ANKRD22: variants seen among roughly 807,000 people sequenced by gnomAD.
ANKRD22 encodes ankyrin repeat domain 22.
A neutral mutation model predicts 25.7 loss-of-function variants in ANKRD22; 24 were observed. The observed-to-expected ratio is 0.93, with a 90% CI of 0.68 to 1.31. The LOEUF (loss-of-function observed/expected upper bound fraction) is 1.31, where lower values mean the gene tolerates loss of function less well. ANKRD22 is among the 50% of genes most tolerant of loss of function. The pLI is 0.00. For synonymous variants in ANKRD22, 84 were observed against 84.3 expected, an observed-to-expected ratio of 1.00 and a Z score of 0.02; for missense variants, 214 against 227.1, an observed-to-expected ratio of 0.94 and a Z score of 0.37.
At chr10:88,825,409 T>C (rs190587146) in intron 4 of ANKRD22, among the ~76,000 whole-genome samples, 1 of 152,254 alleles carries the variant, frequency 6.6e-6, no homozygotes, top group African/African-American at 2.4e-5. Context: ...AGTGAGCGGA[T>C]GCTGCTACTG....
chr10:88,843,421 A>G (rs1844021039), intron 1 of ANKRD22, among the ~76,000 whole-genome samples: 1 of 152,158 alleles, frequency 6.6e-6, no homozygotes, highest in Non-Finnish European at 1.5e-5. Flanking sequence ...GCCTAATCTT[A>G]AGCATGTTGG....
chr10:88,839,989 G>C (rs1843989697), intron 1 of ANKRD22, among the ~76,000 whole-genome samples: 1 of 152,134 alleles, frequency 6.6e-6, no homozygotes, highest in Non-Finnish European at 1.5e-5. Flanking sequence ...TGAGGGTTGA[G>C]AATCTCTGCA....
intron 1 of ANKRD22, among the ~76,000 whole-genome samples, chr10:88,840,895 G>A (rs929850217): frequency 3.3e-5 from 5 of 151,946 alleles, no homozygotes; most frequent in Admixed American, 6.6e-5. Context: ...TAAAAAAGTC[G>A]CAATAATTTT....
At chr10:88,841,243 T>C (rs1844001549) in intron 1 of ANKRD22, among the ~76,000 whole-genome samples, 1 of 152,052 alleles carries the variant, frequency 6.6e-6, no homozygotes, top group Non-Finnish European at 1.5e-5. Context: ...TTCTGGCTGC[T>C]AGAAAATGGC....
chr10:88,849,311 A>G (rs1406034789), intron 1 of ANKRD22, among the ~76,000 whole-genome samples: 1 of 152,108 alleles, frequency 6.6e-6, no homozygotes, highest in Non-Finnish European at 1.5e-5. Context: ...TTGGACCTGG[A>G]TTTAGTTTAC....
At chr10:88,829,880 G>C (rs540092986) in intron 2 of ANKRD22, among the ~76,000 whole-genome samples, 1 of 152,266 alleles carries the variant, frequency 6.6e-6, no homozygotes, top group South Asian at 2.1e-4. Context: ...GGTCTCAAGC[G>C]ATCCTTCAAC....
chr10:88,843,908 C>T (rs1220585316), intron 1 of ANKRD22, among the ~76,000 whole-genome samples: 2 of 152,100 alleles, frequency 1.3e-5, no homozygotes, highest in African/African-American at 2.4e-5. Flanking sequence ...ATCATTATAC[C>T]TTTCTCTTCG....
rs933859346 is a variant in ANKRD22 at position 88,820,322 on chromosome 10, G to T, written c.*2619C>A. 1 of 1,552,116 alleles carries T rather than the reference G, an allele frequency of 6.4e-7. No homozygotes were observed. The highest frequency in any genetic ancestry group is 2.0e-5 in the Admixed American group (1 of 50,990). ...GGACTGGCTTTCAAATCCAGAAGAC[G>T]TGAAAATGCTGCTCTCTGAGGTGAC... On this transcript the variant is annotated 3_prime_UTR_variant, in exon 6 of 6. Coordinates refer to ENST00000371930, the MANE Select transcript of ANKRD22 (RefSeq NM_144590.3).
chr10:88,838,663 G>A (rs995291654), intron 1 of ANKRD22, among the ~76,000 whole-genome samples: 1 of 152,096 alleles, frequency 6.6e-6, no homozygotes, highest in African/African-American at 2.4e-5. Flanking sequence ...GAAAGAAAGG[G>A]GAACTTGTGT....
intron 1 of ANKRD22, among the ~76,000 whole-genome samples, chr10:88,834,173 G>T (rs902503310): frequency 6.6e-6 from 1 of 152,166 alleles, no homozygotes; most frequent in African/African-American, 2.4e-5. Flanking sequence ...CAGTCATTTG[G>T]AGTTCAAAAA....
rs71022545 is a variant in ANKRD22, at chr10:88,825,011, TCACACACACACACACACACA to T, written c.399+1007_399+1026del. On this transcript the variant is annotated intron_variant, in intron 4 of 5. Transcript: ENST00000371930. ...CTCTCTCTCTCTCTCTCTCTCTCTC[TCACACACACACACACACACA>T]CACACACACACAACTGCCTGCATTT... 1.4e-4 allele frequency among the ~76,000 whole-genome samples: 16 copies of T among 111,508 alleles called. 1 individual carries two copies. In the South Asian group the frequency reaches 4.7e-3, roughly 33 times the overall value. 73.2% of individuals were successfully genotyped at this position (111,508 alleles called of 152,430 possible).
chr10:88,820,943 C>A lies in ANKRD22; in HGVS notation c.*1998G>T, dbSNP rs1253592228. ...ACCTTGTTGCCACAGAGACATAACA[C>A]TACCTCAGGAAGCTGAGCTGCTTTA... On this transcript the variant is annotated 3_prime_UTR_variant, in exon 6 of 6. Coordinates refer to ENST00000371930, the MANE Select transcript of ANKRD22 (RefSeq NM_144590.3). Among the ~76,000 whole-genome samples, 1 of 152,174 alleles carries A rather than the reference C, an allele frequency of 6.6e-6. No homozygotes were observed. Among genetic ancestry groups the A allele is most frequent in the East Asian group, 1.9e-4 (1 of 5,200 alleles).
chr10:88,844,315 T>C (rs967394440), intron 1 of ANKRD22, among the ~76,000 whole-genome samples: 2 of 152,124 alleles, frequency 1.3e-5, no homozygotes, highest in Non-Finnish European at 2.9e-5. Context: ...TCGTAGACCA[T>C]GGTTAGGACT....
At chr10:88,838,207 A>T (rs973794422) in intron 1 of ANKRD22, among the ~76,000 whole-genome samples, 5 of 152,182 alleles carry the variant, frequency 3.3e-5, no homozygotes, top group Admixed American at 3.3e-4. Context: ...CAGTAAGAAG[A>T]TAGAGTTGAC....
At chr10:88,824,842 C>T (rs1436474417) in intron 4 of ANKRD22, among the ~76,000 whole-genome samples, 1 of 152,160 alleles carries the variant, frequency 6.6e-6, no homozygotes, top group Non-Finnish European at 1.5e-5. Context: ...AAACTTTTAA[C>T]TTCATCTTTA....
intron 2 of ANKRD22, among the ~76,000 whole-genome samples, chr10:88,829,081 C>G (rs1220555911): frequency 6.6e-6 from 1 of 152,180 alleles, no homozygotes; most frequent in Non-Finnish European, 1.5e-5. Flanking sequence ...AACTCTTAAC[C>G]ACATGGCTGT....
chr10:88,850,615 G>A (rs1485606720), intron 1 of ANKRD22, among the ~76,000 whole-genome samples: 3 of 152,012 alleles, frequency 2.0e-5, no homozygotes, highest in Non-Finnish European at 2.9e-5. Context: ...CTGACACTTG[G>A]GCAGTCTAAA....
intron 1 of ANKRD22, among the ~76,000 whole-genome samples, chr10:88,834,593 A>G (rs990520969): frequency 1.3e-5 from 2 of 152,234 alleles, no homozygotes; most frequent in Non-Finnish European, 2.9e-5. Flanking sequence ...CATTTAAAAA[A>G]CTAGAATATT....
rs2304804 is a variant in ANKRD22, at chr10:88,823,335, T to G, written c.443A>C (p.Gln148Pro). The change falls in exon 5 of 6, where the codon CAG becomes CCG. Residue 148 changes from glutamine to proline, a missense_variant. By Grantham distance (76) the Gln-to-Pro change is moderately conservative. Transcript: ENST00000371930. ...TTCCAAGAGCAGAGGGATAAGAGAC[T>G]GGTTTTTCATTTCACAGGCATAATG... Reference protein sequence around the residue: ...ALHYACEMKNQSLIPLLLEAR... With the variant: ...ALHYACEMKNPSLIPLLLEAR... 0.044 allele frequency: 71,479 copies of G among 1,613,796 alleles called. 2,894 individuals are homozygous for G. The highest frequency in any genetic ancestry group is 0.22 in the African/African-American group (16,164 of 74,942).
Sources: allele counts gnomAD v4.1 joint callset (sites outside exome capture counted in the v4.1 genomes callset), GRCh38; gene constraint gnomAD v4.1.1; transcripts MANE v1.5; gene names NCBI Gene and HGNC (gene_info 2026-07-23, HGNC 2026-07-21).